Variants in KLHL22 observed in about 807,000 individuals in gnomAD.
KLHL22 encodes kelch like family member 22.
In KLHL22, 18 loss-of-function variants were observed where a neutral mutation model predicts 60.7. The ratio of observed to expected loss-of-function variants is 0.30; its 90% CI spans 0.20 to 0.44. The LOEUF (loss-of-function observed/expected upper bound fraction) is 0.44. Ranked by LOEUF, KLHL22 falls within the 20% of genes least tolerant of loss-of-function variation. The probability of loss-of-function intolerance (pLI) is 1.00; values close to 1 mark genes in which losing one functional copy is unlikely to be tolerated. For synonymous variants in KLHL22, 355 were observed against 354.5 expected (o/e 1.00, Z -0.01); for missense variants, 596 against 852.3 (o/e 0.70, Z 3.74).
At chr22:20,483,678 A>G (rs2053541457) in intron 2 of KLHL22, 1 of 731,300 alleles carries the variant, frequency 1.4e-6, no homozygotes, top group East Asian at 2.5e-5. Context: ...TGTCCACAGT[A>G]TTTGCAAAGA....
intron 4 of KLHL22, among the ~76,000 whole-genome samples, chr22:20,462,263 C>T (rs165658): frequency 0.65 from 91,188 of 140,298 alleles, 29,217 homozygotes; most frequent in Admixed American, 0.76. Context: ...GGCGACAGAA[C>T]GAGACTCTGT....
At position 20,462,782 on chromosome 22, in the gene KLHL22, T is replaced by C. The variant is rs571090839; in HGVS notation, c.1112+2076A>G. On this transcript the variant is annotated intron_variant, in intron 4 of 6. Transcript: ENST00000328879. ...GCTATGGGAAAGGTACAAGGAATGA[T>C]GCAGATAATATAGATGCAAAGAAAG... Among the ~76,000 whole-genome samples the C allele has an allele frequency of 2.6e-5, 4 of 152,232 alleles. 1 individual carries two copies. The highest frequency in any genetic ancestry group is 9.6e-5 in the African/African-American group (4 of 41,538).
At chr22:20,483,957 CG>C in intron 2 of KLHL22, 1 of 679,818 alleles carries the variant, frequency 1.5e-6, no homozygotes. Context: ...GCTGGTGGAG[CG>C]GGACACGAAG....
chr22:20,480,492 C>T (rs2053480903), intron 2 of KLHL22, among the ~76,000 whole-genome samples: 1 of 152,142 alleles, frequency 6.6e-6, no homozygotes, highest in Admixed American at 6.5e-5. Context: ...CAGGATGTCA[C>T]AGGTACAGAA....
At chr22:20,470,171 C>T (rs1178127916) in intron 3 of KLHL22, among the ~76,000 whole-genome samples, 1 of 143,444 alleles carries the variant, frequency 7.0e-6, no homozygotes, top group Non-Finnish European at 1.6e-5. Context: ...AGGCCCCATT[C>T]CTATAAAAAA....
At chr22:20,459,679 A>T (rs1305752200) in intron 4 of KLHL22, among the ~76,000 whole-genome samples, 7 of 152,186 alleles carry the variant, frequency 4.6e-5, no homozygotes, top group Non-Finnish European at 1.0e-4. Flanking sequence ...CTGTCTGCTG[A>T]ATGAATTAAA....
In KLHL22 at chr22:20,442,409, C is replaced by A. The variant is rs1601314874; in HGVS notation, c.1569G>T (p.Gln523His). Residue 523 changes from glutamine to histidine, a missense_variant, in exon 7 of 7, where the codon CAG becomes CAT. Coordinates refer to ENST00000328879, the MANE Select transcript of KLHL22 (RefSeq NM_032775.4). Reference sequence around the variant, plus strand: ...CAGGGAGTGGGCAGACAGATGACCACTGTCCAGACGTGCAGCTGTAGCAGG... The same window carrying A: ...CAGGGAGTGGGCAGACAGATGACCAATGTCCAGACGTGCAGCTGTAGCAGG... The part of the protein sequence containing the change: ...QVACYSCTSG[Q>H]WSSVCPLPAG... The A allele has an allele frequency of 1.2e-6, 2 of 1,610,220 alleles. No individual in the cohort carries two copies. Among genetic ancestry groups the A allele is most frequent in the East Asian group, 2.2e-5 (1 of 44,822 alleles).
chr22:20,464,437 A>G (rs2053199074), intron 4 of KLHL22, among the ~76,000 whole-genome samples: 1 of 152,154 alleles, frequency 6.6e-6, no homozygotes, highest in Non-Finnish European at 1.5e-5. Context: ...AGGGAAACTG[A>G]AACAACATGC....
At chr22:20,483,435 T>G (rs2053536889) in intron 2 of KLHL22, 1 of 816,556 alleles carries the variant, frequency 1.2e-6, no homozygotes, top group African/African-American at 1.7e-5. Flanking sequence ...TCTGGTCTTG[T>G]AGGCCTTTTA....
intron 2 of KLHL22, among the ~76,000 whole-genome samples, chr22:20,476,147 C>G (rs561632874): frequency 6.6e-6 from 1 of 152,334 alleles, no homozygotes; most frequent in South Asian, 2.1e-4. Context: ...AAGTCATCTT[C>G]CTACAGATCT....
intron 5 of KLHL22, among the ~76,000 whole-genome samples, chr22:20,448,803 GT>G (rs1391560860): frequency 6.6e-6 from 1 of 152,160 alleles, no homozygotes; most frequent in Non-Finnish European, 1.5e-5. Flanking sequence ...GTTTTCCAGA[GT>G]GGCTGTACCA....
At chr22:20,483,689 T>A (rs1467532310) in intron 2 of KLHL22, 2 of 735,200 alleles carry the variant, frequency 2.7e-6, no homozygotes, top group Non-Finnish European at 5.0e-6. Context: ...TTTGCAAAGA[T>A]CTGAGCCCTC....
At chr22:20,451,575 C>T in intron 5 of KLHL22, 1 of 1,596,610 alleles carries the variant, frequency 6.3e-7, no homozygotes. Context: ...GTACAGCCCA[C>T]CTTTCTTCCG....
chr22:20,446,617 T>C lies in KLHL22; in HGVS notation c.1365A>G (p.Arg455=), dbSNP rs776516851. 6.2e-7 allele frequency: 1 copy of C among 1,613,656 alleles called. No homozygotes were observed. Among genetic ancestry groups the C allele is most frequent in the Non-Finnish European group, 8.5e-7 (1 of 1,180,038 alleles). ...EGKMYITCGR[R]GEDYLKETHC... ...GTGTCTCTTTCAGGTAATCCTCCCC[T>C]CTGCGGCCGCAGGTGATATACATCT... Residue 455 remains arginine, a synonymous_variant, in exon 6 of 7, where the codon AGA becomes AGG. Coordinates refer to ENST00000328879, the MANE Select transcript of KLHL22 (RefSeq NM_032775.4).
chr22:20,488,683 G>A, intron 2 of KLHL22: 1 of 452,508 alleles, frequency 2.2e-6, no homozygotes, highest in Non-Finnish European at 4.0e-6. Context: ...GAATGGTAAG[G>A]GAGGGGAGGA....
chr22:20,473,806 C>T (rs1299220637), intron 2 of KLHL22, among the ~76,000 whole-genome samples: 3 of 152,126 alleles, frequency 2.0e-5, no homozygotes, highest in Admixed American at 1.3e-4. Context: ...ACCCAAGAGG[C>T]GGAGGTTGCA....
At chr22:20,478,914 AG>A (rs1315225886) in intron 2 of KLHL22, among the ~76,000 whole-genome samples, 2 of 151,150 alleles carry the variant, frequency 1.3e-5, no homozygotes, top group East Asian at 4.0e-4. Context: ...GGATCACCTG[AG>A]GTCAGGAGTT....
intron 4 of KLHL22, among the ~76,000 whole-genome samples, chr22:20,461,510 G>A (rs1474936698): frequency 1.6e-5 from 2 of 121,906 alleles, no homozygotes; most frequent in African/African-American, 6.5e-5. Context: ...CTGAGATCAC[G>A]CCACTGCACT....
At chr22:20,455,787 T>C (rs1234746862) in intron 5 of KLHL22, among the ~76,000 whole-genome samples, 2 of 152,142 alleles carry the variant, frequency 1.3e-5, no homozygotes, top group Non-Finnish European at 2.9e-5. Flanking sequence ...ATGCGATAAA[T>C]ACACTAGCAC....
Sources: allele counts gnomAD v4.1 joint callset (sites outside exome capture counted in the v4.1 genomes callset), GRCh38; gene constraint gnomAD v4.1.1; transcripts MANE v1.5; gene names NCBI Gene and HGNC (gene_info 2026-07-23, HGNC 2026-07-21).